Variants in NDUFS4 observed in about 807,000 individuals in gnomAD.
NDUFS4 encodes NADH dehydrogenase [ubiquinone] iron-sulfur protein 4, mitochondrial.
A neutral mutation model predicts 24.3 loss-of-function variants in NDUFS4; 28 were observed. The observed-to-expected ratio is 1.15, with a 90% CI of 0.85 to 1.58. NDUFS4 has a LOEUF of 1.58. Ranked by LOEUF, NDUFS4 falls within the 40% of genes most tolerant of loss-of-function variation. NDUFS4 has a pLI of 0.00. For synonymous variants in NDUFS4, 93 were observed against 69.7 expected, an observed-to-expected ratio of 1.34 and a Z score of -1.67; for missense variants, 223 against 207.9, an observed-to-expected ratio of 1.07 and a Z score of -0.45.
Position 53,655,973 on chromosome 5 carries a change from G to T in NDUFS4, c.351-2578G>T, listed in dbSNP as rs149132890. Among the ~76,000 whole-genome samples the T allele has an allele frequency of 1.5e-3, 226 of 152,170 alleles. 1 individual carries two copies. The highest frequency in any genetic ancestry group is 4.9e-3 in the African/African-American group (204 of 41,516). ...CTTCCCAGCTTCATTTTGAAACCTT[G>T]CTGAATCATGTACAGTTCAAAAGCT... On this transcript the variant is annotated intron_variant, in intron 3 of 4. Coordinates refer to ENST00000296684, the MANE Select transcript of NDUFS4 (RefSeq NM_002495.4).
intron 1 of NDUFS4, among the ~76,000 whole-genome samples, chr5:53,591,938 G>A (rs1375868890): frequency 1.3e-5 from 2 of 150,198 alleles, no homozygotes; most frequent in African/African-American, 2.5e-5. Context: ...GATGAGTTTT[G>A]TTGTTGTTGT....
At chr5:53,569,516 A>T (rs1008570697) in intron 1 of NDUFS4, among the ~76,000 whole-genome samples, 2 of 152,132 alleles carry the variant, frequency 1.3e-5, no homozygotes, top group Non-Finnish European at 2.9e-5. Context: ...CTCTAGAATC[A>T]TTAAGTCCAA....
chr5:53,592,536 T>C (rs1346175662), intron 1 of NDUFS4, among the ~76,000 whole-genome samples: 3 of 152,172 alleles, frequency 2.0e-5, no homozygotes, highest in Admixed American at 2.0e-4. Context: ...CTTCCTACAT[T>C]TAGGTTCATG....
At chr5:53,563,104 C>T (rs1414842633) in intron 1 of NDUFS4, among the ~76,000 whole-genome samples, 1 of 146,732 alleles carries the variant, frequency 6.8e-6, no homozygotes, top group Non-Finnish European at 1.5e-5. Flanking sequence ...CAGCGTGCGC[C>T]TGTAGTCCCA....
chr5:53,656,291 G>C (rs1752159918), intron 3 of NDUFS4, among the ~76,000 whole-genome samples: 1 of 151,536 alleles, frequency 6.6e-6, no homozygotes, highest in South Asian at 2.1e-4. Flanking sequence ...TAGTTAGGCA[G>C]ATAAATCTGA....
intron 3 of NDUFS4, among the ~76,000 whole-genome samples, chr5:53,653,954 T>C (rs1752092380): frequency 1.3e-5 from 2 of 152,168 alleles, no homozygotes. Flanking sequence ...TCATGGTTTT[T>C]CAAGGGATTC....
At chr5:53,666,380 A>G (rs1169759368) in intron 4 of NDUFS4, among the ~76,000 whole-genome samples, 1 of 152,194 alleles carries the variant, frequency 6.6e-6, no homozygotes, top group Non-Finnish European at 1.5e-5. Flanking sequence ...ATTAAAATCA[A>G]GTGCCTTTCT....
At chr5:53,573,311 C>A (rs935594632) in intron 1 of NDUFS4, among the ~76,000 whole-genome samples, 1 of 151,982 alleles carries the variant, frequency 6.6e-6, no homozygotes, top group Non-Finnish European at 1.5e-5. Flanking sequence ...ATTTTAGTTC[C>A]CTTCCATCAT....
chr5:53,620,045 G>A (rs1750981217), intron 2 of NDUFS4, among the ~76,000 whole-genome samples: 1 of 151,990 alleles, frequency 6.6e-6, no homozygotes, highest in Non-Finnish European at 1.5e-5. Flanking sequence ...CAGGCGCAGT[G>A]GCAAGGTGGG....
intron 2 of NDUFS4, among the ~76,000 whole-genome samples, chr5:53,610,699 A>T (rs1052546155): frequency 6.6e-6 from 1 of 152,146 alleles, no homozygotes; most frequent in African/African-American, 2.4e-5. Flanking sequence ...CTTGCGAATC[A>T]TTCTCCTAAG....
intron 1 of NDUFS4, among the ~76,000 whole-genome samples, chr5:53,573,968 A>G (rs941363196): frequency 2.0e-5 from 3 of 152,142 alleles, no homozygotes; most frequent in Admixed American, 6.5e-5. Context: ...GTATCCTGTG[A>G]CCTTGCCACA....
Position 53,683,166 on chromosome 5 carries a change from A to C in NDUFS4, c.473A>C (p.Lys158Thr), listed in dbSNP as rs1262604421. ...EERKVPKPKS[K>T]SYGANFSWNK... ...AGGAAGGTTCCAAAACCCAAGTCCA[A>C]GTCTTATGGTGCAAACTTTTCTTGG... is the stretch of plus-strand genomic sequence containing the variant. Residue 158 changes from lysine (K) to threonine (T), a missense_variant, in exon 5 of 5, where the codon AAG (lysine) becomes ACG (threonine). Transcript: ENST00000296684. 1.9e-6 allele frequency: 3 copies of C among 1,612,698 alleles called. No homozygotes were observed. The highest frequency in any genetic ancestry group is 8.5e-7 in the Non-Finnish European group (1 of 1,179,096).
At chr5:53,567,561 C>T (rs1749073375) in intron 1 of NDUFS4, among the ~76,000 whole-genome samples, 1 of 151,828 alleles carries the variant, frequency 6.6e-6, no homozygotes, top group Non-Finnish European at 1.5e-5. Context: ...ATATACTGGA[C>T]ATTTTTTTTT....
chr5:53,654,287 A>G (rs1752101149), intron 3 of NDUFS4, among the ~76,000 whole-genome samples: 1 of 152,178 alleles, frequency 6.6e-6, no homozygotes, highest in East Asian at 1.9e-4. Flanking sequence ...ATCCAATTAT[A>G]TGTTTTATAA....
chr5:53,658,958 G>C (rs917148755), intron 4 of NDUFS4, among the ~76,000 whole-genome samples: 2 of 152,076 alleles, frequency 1.3e-5, no homozygotes, highest in African/African-American at 4.8e-5. Flanking sequence ...ATATATGGCA[G>C]CCTATTCTAG....
In NDUFS4 at chr5:53,683,287, G is replaced by A. The variant is rs1740744875; in HGVS notation, c.*66G>A. On this transcript the variant is annotated 3_prime_UTR_variant, in exon 5 of 5. Coordinates refer to ENST00000296684, the MANE Select transcript of NDUFS4 (RefSeq NM_002495.4). ...CAGCTGTGCAGTATTTATAGTCCATGTATAATAAATACATCTCTTAATCTC... is the reference window on the plus strand; with the variant it reads ...CAGCTGTGCAGTATTTATAGTCCATATATAATAAATACATCTCTTAATCTC... The A allele has an allele frequency of 3.5e-6, 4 of 1,130,506 alleles. No individual in the cohort carries two copies. The highest frequency in any genetic ancestry group is 4.7e-5 in the East Asian group (2 of 42,460). 70.0% of individuals were successfully genotyped at this position (1,130,506 alleles called of 1,614,324 possible). A position where few individuals can be genotyped will look rare whatever the true frequency, so the allele number is the denominator to read the frequency against.
At position 53,664,153 on chromosome 5, in the gene NDUFS4, T is replaced by C. The variant is rs535963703; in HGVS notation, c.424+5529T>C. Among the ~76,000 whole-genome samples, 3 of 152,328 alleles carry C rather than the reference T, an allele frequency of 2.0e-5. No individual in the cohort carries two copies. In the East Asian group the frequency reaches 5.8e-4, roughly 29 times the overall value. ...AATTCTTTTCTTTAAGAATGTTGAA[T>C]ATTGGCCCCCACTCTTCTGGCTTGT... On this transcript the variant is annotated intron_variant, in intron 4 of 4. Transcript: ENST00000296684.
At chr5:53,664,875 C>A in intron 4 of NDUFS4, among the ~76,000 whole-genome samples, 1 of 152,222 alleles carries the variant, frequency 6.6e-6, no homozygotes, top group East Asian at 1.9e-4. Context: ...TGGTGCAGAG[C>A]TGCATTCCTT....
chr5:53,603,944 A>G (rs181084610), intron 2 of NDUFS4, among the ~76,000 whole-genome samples: 1 of 152,180 alleles, frequency 6.6e-6, no homozygotes, highest in African/African-American at 2.4e-5. Context: ...ATATGTATAT[A>G]TGTATATGCA....
Sources: gnomAD v4.1 joint callset for allele counts (sites outside exome capture counted in the v4.1 genomes callset) on GRCh38, gnomAD v4.1.1 for gene constraint, MANE v1.5 for transcripts, NCBI Gene and HGNC (gene_info 2026-07-23, HGNC 2026-07-21) for gene names.